The following COPZ2 variants were observed in gnomAD, a reference collection of about 807,000 sequenced individuals.
COPZ2 encodes coatomer subunit zeta-2.
Under a neutral mutation model 33.2 loss-of-function variants are expected in COPZ2, and 30 were observed. That is an observed-to-expected ratio of 0.90 (90% CI 0.68 to 1.23). The LOEUF (loss-of-function observed/expected upper bound fraction) is 1.23, where lower values mean the gene tolerates loss of function less well. COPZ2 is among the 50% of genes most tolerant of loss of function. COPZ2 has a pLI of 0.00. For missense variants in COPZ2, 263 were observed against 262.4 expected, an observed-to-expected ratio of 1.00 and a Z score of -0.02; for synonymous variants, 89 against 102.6, an observed-to-expected ratio of 0.87 and a Z score of 0.80.
chr17:48,028,572 G>T lies in COPZ2; in HGVS notation c.547-62C>A. ...AGCATGAGGGTCCTGGGTCAGGGAG[G>T]TGAAGGAAAGGGGCTTGGGGGTATG... On this transcript the variant is annotated intron_variant, in intron 7 of 8. Transcript: ENST00000621465. The surrounding 1 kb of genome is among the most constrained non-coding windows in gnomAD (Gnocchi z 4.5). The T allele has an allele frequency of 6.5e-7, 1 of 1,535,854 alleles. No homozygotes were observed. The highest frequency in any genetic ancestry group is 8.9e-7 in the Non-Finnish European group (1 of 1,126,242).
chr17:48,026,497 TGA>T, intron 8 of COPZ2, 22 bp from the exon 9 acceptor site: 3 of 1,579,936 alleles, frequency 1.9e-6, no homozygotes, highest in South Asian at 1.1e-5. Context: ...TGGGGGAGGT[TGA>T]GAGAGAATTG....
chr17:48,036,835 TG>T lies in COPZ2; in HGVS notation c.186+15del. The T allele has an allele frequency of 6.2e-7, 1 of 1,611,676 alleles. No individual in the cohort carries two copies. Among genetic ancestry groups the T allele is most frequent in the Non-Finnish European group, 8.5e-7 (1 of 1,178,324 alleles). On this transcript the variant is annotated intron_variant, in intron 2 of 8. Coordinates refer to ENST00000621465, the MANE Select transcript of COPZ2 (RefSeq NM_016429.4). ...GAGTGGGAACTGTGTCCCTCATGGG[TG>T]GGGTCAGAGGTTACCTTGGCCAGCA...
At chr17:48,047,833 C>G in the COPZ2 span, 1 of 152,262 alleles carries the variant, frequency 6.6e-6, no homozygotes, top group Non-Finnish European at 1.5e-5. Context: ...GCGGCACGAG[C>G]GTCGCAACCA....
upstream of COPZ2, among the ~76,000 whole-genome samples, chr17:48,038,411 G>A (rs2037025818): frequency 6.6e-6 from 1 of 152,146 alleles, no homozygotes; most frequent in Admixed American, 6.5e-5. Context: ...AATGACATCG[G>A]GCTTTGCAGC....
Position 48,035,681 on chromosome 17 carries a change from C to A in COPZ2, c.186+1170G>T, listed in dbSNP as rs1281480354. 3.3e-5 allele frequency among the ~76,000 whole-genome samples: 5 copies of A among 152,148 alleles called. No homozygotes were observed. The East Asian group carries it at 9.6e-4, about 29-fold the overall frequency. On this transcript the variant is annotated intron_variant, in intron 2 of 8. Coordinates refer to ENST00000621465, the MANE Select transcript of COPZ2 (RefSeq NM_016429.4). ...TCAAGCAGTCCACCCGCCTCGGCCT[C>A]CCAAAGTACTGGGATTACAGGCATC...
At position 48,037,168 on chromosome 17, in the gene COPZ2, C is replaced by G. The variant is rs1405421823; in HGVS notation, c.112-243G>C. 1 of 745,382 alleles carries G rather than the reference C, an allele frequency of 1.3e-6. No homozygotes were observed. The highest frequency in any genetic ancestry group is 2.5e-6 in the Non-Finnish European group (1 of 396,272). 46.2% of individuals were successfully genotyped at this position (745,382 alleles called of 1,614,324 possible). ...TGCCCGTTGGGTGCAGAAGGTCCTT[C>G]CGGGCCCAAGTTCTGTCATGCACTG... On this transcript the variant is annotated intron_variant, in intron 1 of 8. Transcript: ENST00000621465. The surrounding 1 kb of genome is among the most constrained non-coding windows in gnomAD (Gnocchi z 5.6).
intron 2 of COPZ2, 71 bp from the exon 3 acceptor site, chr17:48,034,015 G>A: frequency 4.6e-6 from 5 of 1,079,068 alleles, no homozygotes; most frequent in East Asian, 5.1e-5. Context: ...TTGGGGGGCA[G>A]GAAAGAGTAG....
chr17:48,044,377 T>C, the COPZ2 span, among the ~76,000 whole-genome samples: 544 of 150,628 alleles, frequency 3.6e-3, 2 homozygotes, highest in African/African-American at 0.013. Flanking sequence ...TTCTAGTCTG[T>C]GTTCCCGTAT....
At chr17:48,030,995 G>T (rs957956484) in intron 6 of COPZ2, among the ~76,000 whole-genome samples, 3 of 152,218 alleles carry the variant, frequency 2.0e-5, no homozygotes, top group African/African-American at 7.2e-5. Context: ...CAGTGCCATA[G>T]AAACAGCATG....
chr17:48,047,463 TGA>T, the COPZ2 span: 2 of 152,158 alleles, frequency 1.3e-5, no homozygotes, highest in Admixed American at 1.3e-4. Context: ...AACTAACGTT[TGA>T]GAGTCACAAA....
chr17:48,040,390 T>C (rs1401910083), upstream of COPZ2, among the ~76,000 whole-genome samples: 1 of 150,976 alleles, frequency 6.6e-6, no homozygotes, highest in Non-Finnish European at 1.5e-5. Flanking sequence ...TTTGTCTTGT[T>C]CACTGTGGAA....
In COPZ2 at chr17:48,037,526, C is replaced by G; in HGVS notation, c.111+141G>C. On this transcript the variant is annotated intron_variant, in intron 1 of 8. Coordinates refer to ENST00000621465, the MANE Select transcript of COPZ2 (RefSeq NM_016429.4). This position sits in a 1 kb window ranked among gnomAD's most constrained non-coding sequence, Gnocchi z 5.6. ...CGGCGCTGGGACGAACTTTTCCTCC[C>G]GGGTCCTGGGGCCAGTCAGGGGTGA... 1.2e-6 allele frequency: 1 copy of G among 814,778 alleles called. No individual in the cohort carries two copies. The highest frequency in any genetic ancestry group is 1.5e-6 in the Non-Finnish European group (1 of 652,276). The allele number at this position is 814,778 out of a possible 1,614,324, so 50.5% of individuals were successfully genotyped here.
At chr17:48,042,377 G>A (rs1250815383), upstream of COPZ2, among the ~76,000 whole-genome samples, 3 of 152,046 alleles carry the variant, frequency 2.0e-5, no homozygotes, top group East Asian at 1.9e-4. Context: ...CAGGTGATCC[G>A]CCTGCCTTGG....
chr17:48,026,523 C>T, intron 8 of COPZ2, 48 bp from the exon 9 acceptor site: 1 of 1,378,392 alleles, frequency 7.3e-7, no homozygotes, highest in South Asian at 1.2e-5. Context: ...ATGTCAAATG[C>T]CTCCATACAC....
chr17:48,046,484 G>A, the COPZ2 span: 2 of 152,252 alleles, frequency 1.3e-5, no homozygotes, highest in South Asian at 2.1e-4. Context: ...AGCGACGGGG[G>A]TCTCACTATG....
chr17:48,044,478 G>A, the COPZ2 span, among the ~76,000 whole-genome samples: 4 of 138,220 alleles, frequency 2.9e-5, no homozygotes, highest in South Asian at 2.3e-4. Context: ...CTCTGGCTGT[G>A]CATAAGAATC....
upstream of COPZ2, chr17:48,037,981 G>T (rs2037020202): frequency 5.5e-6 from 3 of 544,258 alleles, no homozygotes; most frequent in Non-Finnish European, 7.0e-6. This position sits in a 1 kb window ranked among gnomAD's most constrained non-coding sequence, Gnocchi z 5.6. Context: ...CTCCTCCTTG[G>T]CTCCTTCCCG....
chr17:48,033,933 GTCA>G lies in COPZ2; in HGVS notation c.195_197del (p.Asp66del). On this transcript the variant is annotated inframe_deletion, in exon 3 of 9. Coordinates refer to ENST00000621465, the MANE Select transcript of COPZ2 (RefSeq NM_016429.4). ...TCTGCTCCTTCATGGAGGGGAATGT[GTCA>G]TCATAATACTATGAGAAAGGGAAGG... is the stretch of plus-strand genomic sequence containing the variant. The G allele has an allele frequency of 6.2e-7, 1 of 1,608,186 alleles. No homozygotes were observed. The highest frequency in any genetic ancestry group is 8.5e-7 in the Non-Finnish European group (1 of 1,176,310).
intron 6 of COPZ2, chr17:48,029,461 C>A (rs1335397760): frequency 4.1e-6 from 2 of 491,750 alleles, no homozygotes; most frequent in Non-Finnish European, 7.1e-6. Flanking sequence ...ATCAGGTTGT[C>A]AAAAGCAGGG....
Sources: allele counts gnomAD v4.1 joint callset (sites outside exome capture counted in the v4.1 genomes callset), GRCh38; gene constraint gnomAD v4.1.1; non-coding constraint Gnocchi (gnomAD v3.1); transcripts MANE v1.5; gene names NCBI Gene and HGNC (gene_info 2026-07-23, HGNC 2026-07-21).